The following DOP1B variants were observed in gnomAD, a reference collection of about 807,000 sequenced individuals.
DOP1B encodes protein DOP1B.
In DOP1B, 174 loss-of-function variants were observed where a neutral mutation model predicts 233.5. The ratio of observed to expected loss-of-function variants is 0.75; its 90% CI spans 0.66 to 0.85. The LOEUF is 0.85. Among genes scored for constraint, DOP1B ranks in the 40% least tolerant of loss-of-function variants. The pLI, the probability that DOP1B is intolerant of heterozygous loss-of-function variation, is 0.00. For missense variants in DOP1B, 2,652 were observed against 2,846.6 expected (o/e 0.93, Z 1.56); for synonymous variants, 1,190 against 1,185.6 (o/e 1.00, Z -0.08).
In DOP1B at chr21:36,195,803, A is replaced by C. The variant is rs529278887; in HGVS notation, c.139-3267A>C. ...TTATGCACAGTAACAAACAATCCTC[A>C]AATCATGGTGACTTTTACAACATGG... On this transcript the variant is annotated intron_variant, in intron 2 of 36. Coordinates refer to ENST00000691173, the MANE Select transcript of DOP1B (RefSeq NM_001320714.2). 1.3e-5 allele frequency among the ~76,000 whole-genome samples: 2 copies of C among 152,356 alleles called. 1 individual carries two copies. Among genetic ancestry groups the C allele is most frequent in the South Asian group, 4.1e-4 (2 of 4,828 alleles).
intron 7 of DOP1B, among the ~76,000 whole-genome samples, 173 bp downstream of exon 7, chr21:36,212,270 C>T (rs1009055448): frequency 6.6e-6 from 1 of 152,134 alleles, no homozygotes; most frequent in African/African-American, 2.4e-5. Context: ...CTACACATAG[C>T]TTGGTTATTT....
chr21:36,190,678 T>A (rs752265620), intron 2 of DOP1B, among the ~76,000 whole-genome samples: 4 of 152,226 alleles, frequency 2.6e-5, no homozygotes, highest in Non-Finnish European at 5.9e-5. Context: ...ATTACAGGCG[T>A]GAGCCATTGT....
intron 2 of DOP1B, among the ~76,000 whole-genome samples, chr21:36,172,316 A>G (rs2065978871): frequency 6.6e-6 from 1 of 152,194 alleles, no homozygotes; most frequent in Non-Finnish European, 1.5e-5. Context: ...TGCCCGCACC[A>G]TTAGGCCTGA....
At position 36,237,138 on chromosome 21, in the gene DOP1B, A is replaced by T. The variant is rs2066836943; in HGVS notation, c.2623-124A>T. The stretch of plus-strand genomic sequence containing the variant: ...GGTGATTTGTCTCTGAGCATGGAGG[A>T]TTCTCACATGGCAAGTATAGGTGAG... On this transcript the variant is annotated intron_variant, in intron 15 of 36. Transcript: ENST00000691173. 6 of 1,313,972 alleles carry T rather than the reference A, an allele frequency of 4.6e-6. No homozygotes were observed. In the South Asian group the frequency reaches 6.7e-5, roughly 15 times the overall value. The allele number at this position is 1,313,972 out of a possible 1,614,324, so 81.4% of individuals were successfully genotyped here.
intron 5 of DOP1B, among the ~76,000 whole-genome samples, chr21:36,209,504 C>T (rs1601413543): frequency 6.6e-6 from 1 of 152,214 alleles, no homozygotes; most frequent in South Asian, 2.1e-4. Context: ...GGCCTCTGCA[C>T]GCAGAGGGTC....
At chr21:36,259,391 C>T (rs901800915) in intron 23 of DOP1B, among the ~76,000 whole-genome samples, 9 of 152,174 alleles carry the variant, frequency 5.9e-5, no homozygotes, top group Middle Eastern at 3.4e-3. Context: ...CTGCCTCTGC[C>T]TCCTGAGTAG....
At chr21:36,214,742 TGGCTG>T (rs2066541034) in intron 9 of DOP1B, among the ~76,000 whole-genome samples, 186 bp downstream of exon 9, 1 of 152,188 alleles carries the variant, frequency 6.6e-6, no homozygotes, top group Non-Finnish European at 1.5e-5. Context: ...AAGTTTTGCA[TGGCTG>T]GGCGCAGTGG....
intron 5 of DOP1B, among the ~76,000 whole-genome samples, chr21:36,211,122 C>T (rs1192659915): frequency 1.3e-5 from 2 of 152,280 alleles, no homozygotes; most frequent in South Asian, 2.1e-4. Flanking sequence ...CTCTTCTGAA[C>T]TCTGAGCGTT....
intron 2 of DOP1B, among the ~76,000 whole-genome samples, chr21:36,173,715 G>A (rs1447797740): frequency 6.6e-6 from 1 of 152,054 alleles, no homozygotes; most frequent in Non-Finnish European, 1.5e-5. Context: ...GAGCCGCCGC[G>A]CCCGGCCCAA....
rs2066671329 is a variant in DOP1B at position 36,225,477 on chromosome 21, C to T, written c.1371-88C>T. 19 of 1,415,610 alleles carry T rather than the reference C, an allele frequency of 1.3e-5. No individual in the cohort carries two copies. In the Admixed American group the frequency reaches 3.4e-4, roughly 25 times the overall value. 87.7% of individuals were successfully genotyped at this position (1,415,610 alleles called of 1,614,324 possible). ...GACTCCTGAGCTCAGACAGTCCACC[C>T]ATCTCGGCCTCCCAAAGTGTTAAGA... On this transcript the variant is annotated intron_variant, in intron 11 of 36. Transcript: ENST00000691173.
chr21:36,260,011 G>A (rs952724119), intron 23 of DOP1B, among the ~76,000 whole-genome samples: 2 of 151,970 alleles, frequency 1.3e-5, no homozygotes, highest in Admixed American at 1.3e-4. Context: ...TCTAAACTAA[G>A]AACTAGAATT....
intron 15 of DOP1B, among the ~76,000 whole-genome samples, chr21:36,234,077 C>T (rs907011849): frequency 6.6e-6 from 1 of 152,092 alleles, no homozygotes; most frequent in Admixed American, 6.5e-5. Context: ...TGGTCTCAAA[C>T]TCCTGACCTC....
At chr21:36,159,409 C>T (rs1247370085) in intron 1 of DOP1B, among the ~76,000 whole-genome samples, 1 of 152,126 alleles carries the variant, frequency 6.6e-6, no homozygotes, top group East Asian at 1.9e-4. Context: ...TGAGATCGCG[C>T]CATTGCACTC....
At chr21:36,257,213 T>G (rs2067108848) in intron 23 of DOP1B, among the ~76,000 whole-genome samples, 1 of 152,164 alleles carries the variant, frequency 6.6e-6, no homozygotes, top group African/African-American at 2.4e-5. Context: ...GTGCCCTCCG[T>G]GGGCACAGAA....
intron 16 of DOP1B, 135 bp downstream of exon 16, chr21:36,237,549 G>A: frequency 1.7e-6 from 2 of 1,178,494 alleles, no homozygotes; most frequent in Non-Finnish European, 2.4e-6. Flanking sequence ...AATAAGCAGA[G>A]GTGTTCTAGG....
At chr21:36,275,877 C>T (rs1032810559) in intron 27 of DOP1B, among the ~76,000 whole-genome samples, 1 of 152,020 alleles carries the variant, frequency 6.6e-6, no homozygotes, top group African/African-American at 2.4e-5. Context: ...AGATGACTGA[C>T]CCTGGGTGTG....
intron 23 of DOP1B, among the ~76,000 whole-genome samples, chr21:36,260,158 A>G (rs931655075): frequency 6.8e-5 from 4 of 58,568 alleles, no homozygotes; most frequent in Non-Finnish European, 9.3e-5. Flanking sequence ...TCTTGTAAAA[A>G]GAAAAAAAAA....
chr21:36,279,895 G>C (rs1056541941), intron 30 of DOP1B, among the ~76,000 whole-genome samples: 5 of 152,052 alleles, frequency 3.3e-5, no homozygotes, highest in African/African-American at 1.2e-4. Context: ...TTGTTTTTGA[G>C]ATGGAGTTTT....
At chr21:36,244,002 G>A (rs2066923632) in intron 18 of DOP1B, among the ~76,000 whole-genome samples, 1 of 145,340 alleles carries the variant, frequency 6.9e-6, no homozygotes, top group South Asian at 2.2e-4. Flanking sequence ...ACTGTACCTG[G>A]CCTGATTTTT....
Sources: allele counts gnomAD v4.1 joint callset (sites outside exome capture counted in the v4.1 genomes callset), GRCh38; gene constraint gnomAD v4.1.1; transcripts MANE v1.5; gene names NCBI Gene and HGNC (gene_info 2026-07-23, HGNC 2026-07-21).